FMO3: variants seen among roughly 807,000 people sequenced by gnomAD.
FMO3 encodes the protein flavin-containing monooxygenase 3.
Under a neutral mutation model 39.4 loss-of-function variants are expected in FMO3, and 40 were observed. That is an observed-to-expected ratio of 1.02 (90% CI 0.79 to 1.32). FMO3 has a LOEUF of 1.32. Ranked by LOEUF, FMO3 falls within the 40% of genes most tolerant of loss-of-function variation. The pLI is 0.00. For missense variants in FMO3, 680 were observed against 651.8 expected, an observed-to-expected ratio of 1.04 and a Z score of -0.47; for synonymous variants, 219 against 228.8, an observed-to-expected ratio of 0.96 and a Z score of 0.39.
rs777342108 is a variant in FMO3 at position 171,114,035 on chromosome 1, G to A, written c.856G>A (p.Asp286Asn). The A allele has an allele frequency of 9.9e-6, 16 of 1,611,614 alleles. No individual in the cohort carries two copies. The African/African-American group carries it at 1.5e-4, about 15-fold the overall frequency. Residue 286 changes from aspartate (D) to asparagine (N), a missense_variant, in exon 7 of 9, where the codon GAT becomes AAT. Physicochemically the swap from Asp to Asn is conservative, Grantham distance 23 (BLOSUM62 1). Coordinates refer to ENST00000367755, the MANE Select transcript of FMO3 (RefSeq NM_001002294.3). ...GVLRKEPVFN[D>N]ELPASILCGI... The stretch of plus-strand genomic sequence containing the variant: ...CCTGAGGAAAGAGCCTGTATTTAAC[G>A]ATGAGCTCCCAGCAAGCATTCTGTG...
intron 5 of FMO3, among the ~76,000 whole-genome samples, chr1:171,109,928 A>G (rs189002410): frequency 1.2e-4 from 18 of 152,298 alleles, no homozygotes; most frequent in Non-Finnish European, 2.6e-4. Context: ...AAAAAGACAA[A>G]GAAAGCCTGA....
At position 171,104,450 on chromosome 1, in the gene FMO3, T is replaced by TA. The variant is rs1371917812; in HGVS notation, c.321+484dup. ...AGTTTAAAAATAAGGTAAGAAAGTT[T>TA]AAAAAAATTAGTAAAAGAAAGACAG... On this transcript the variant is annotated intron_variant, in intron 3 of 8. Transcript: ENST00000367755. Among the ~76,000 whole-genome samples the TA allele has an allele frequency of 9.2e-5, 14 of 151,862 alleles. 1 individual carries two copies. Among genetic ancestry groups the TA allele is most frequent in the Middle Eastern group, 3.4e-3 (1 of 294 alleles).
chr1:171,108,493 A>G (rs1021005504), intron 5 of FMO3, among the ~76,000 whole-genome samples: 63 of 152,132 alleles, frequency 4.1e-4, no homozygotes, highest in African/African-American at 1.3e-3. Flanking sequence ...TTTCTCTAAA[A>G]CTAGCACAGA....
At chr1:171,100,723 G>T (rs1434780189) in intron 2 of FMO3, 1 of 179,376 alleles carries the variant, frequency 5.6e-6, no homozygotes, top group Non-Finnish European at 1.2e-5. Flanking sequence ...TTGGGTTAAT[G>T]TATTTTGCAG....
At chr1:171,102,247 C>A (rs942871243) in intron 2 of FMO3, among the ~76,000 whole-genome samples, 2 of 152,144 alleles carry the variant, frequency 1.3e-5, no homozygotes, top group Non-Finnish European at 2.9e-5. Context: ...GGAGCCCTGA[C>A]AACTTTCAGT....
intron 6 of FMO3, among the ~76,000 whole-genome samples, chr1:171,112,459 G>A (rs1277114275): frequency 6.6e-6 from 1 of 152,162 alleles, no homozygotes; most frequent in East Asian, 1.9e-4. Flanking sequence ...GCAGTGAGTG[G>A]TCAGAATTGG....
intron 3 of FMO3, among the ~76,000 whole-genome samples, chr1:171,106,042 C>A (rs1655620352): frequency 6.6e-6 from 1 of 151,822 alleles, no homozygotes; most frequent in Admixed American, 6.6e-5. Flanking sequence ...AAGTAAAATA[C>A]CTTATTAATA....
chr1:171,091,090 G>A (rs557484921), intron 1 of FMO3, 109 bp downstream of exon 1: 22 of 152,386 alleles, frequency 1.4e-4, no homozygotes, highest in African/African-American at 4.8e-4. Flanking sequence ...GCCAGGCGTA[G>A]TGGTGCATGC....
At chr1:171,099,245 G>T (rs1023344665) in intron 2 of FMO3, among the ~76,000 whole-genome samples, 5 of 152,134 alleles carry the variant, frequency 3.3e-5, no homozygotes, top group African/African-American at 7.2e-5. Flanking sequence ...TAGTTTGATT[G>T]CACTGTGGTC....
At chr1:171,098,353 G>A (rs1174273670) in intron 2 of FMO3, among the ~76,000 whole-genome samples, 1 of 152,108 alleles carries the variant, frequency 6.6e-6, no homozygotes, top group Non-Finnish European at 1.5e-5. Context: ...TGATGGGGAT[G>A]GCATTGAATC....
chr1:171,109,292 A>T (rs111593955), intron 5 of FMO3, among the ~76,000 whole-genome samples: 20 of 152,296 alleles, frequency 1.3e-4, no homozygotes, highest in African/African-American at 4.8e-4. Flanking sequence ...TACAGGAAAG[A>T]AAGATTGGGA....
At chr1:171,110,716 C>A in intron 5 of FMO3, 82 bp from the exon 6 acceptor site, 2 of 1,261,592 alleles carry the variant, frequency 1.6e-6, no homozygotes, top group Non-Finnish European at 2.3e-6. Context: ...TAGATCCATT[C>A]CTCAAGAGGG....
At chr1:171,096,073 A>AAT (rs1487405334) in intron 2 of FMO3, among the ~76,000 whole-genome samples, 1 of 60,994 alleles carries the variant, frequency 1.6e-5, no homozygotes, top group Non-Finnish European at 2.7e-5. Flanking sequence ...ATTATATATT[A>AAT]ATATATAATA....
intron 3 of FMO3, 115 bp downstream of exon 3, chr1:171,104,088 C>G: frequency 1.2e-6 from 1 of 804,630 alleles, no homozygotes; most frequent in Non-Finnish European, 2.1e-6. Flanking sequence ...ACATTTTTAA[C>G]AGTGTGGCCT....
chr1:171,105,750 G>A (rs974558299), intron 3 of FMO3, among the ~76,000 whole-genome samples: 11 of 151,812 alleles, frequency 7.2e-5, no homozygotes, highest in Admixed American at 3.3e-4. Context: ...AGAAAACCAC[G>A]TTTATTTAAC....
At chr1:171,114,651 TC>T (rs1288043874) in intron 7 of FMO3, among the ~76,000 whole-genome samples, 1 of 152,168 alleles carries the variant, frequency 6.6e-6, no homozygotes, top group Admixed American at 6.6e-5. Flanking sequence ...AAAGCTCACA[TC>T]CACTTAAGAC....
rs779247561 is a variant in FMO3, at chr1:171,117,239, T to C, written c.1396T>C (p.Cys466Arg). 1.9e-6 allele frequency: 3 copies of C among 1,614,178 alleles called. No homozygotes were observed. The part of the protein sequence containing the change: ...KLAMEVYFGP[C>R]SPYQFRLVGP... ...GGCCATGGAAGTTTATTTTGGCCCT[T>C]GTAGTCCCTACCAGTTTAGGCTGGT... Residue 466 changes from cysteine (C) to arginine (R), a missense_variant, in exon 9 of 9, where the codon TGT becomes CGT. Cys to Arg is a radical substitution (Grantham distance 180). Transcript: ENST00000367755.
intron 3 of FMO3, among the ~76,000 whole-genome samples, chr1:171,107,235 TTTTAAC>T (rs1655684088): frequency 6.6e-6 from 1 of 152,172 alleles, no homozygotes; most frequent in South Asian, 2.1e-4. Flanking sequence ...AATTTAATAG[TTTTAAC>T]TTTAATTTAA....
chr1:171,096,073 A>T lies in FMO3; in HGVS notation c.132+3283A>T, dbSNP rs796127355. Among the ~76,000 whole-genome samples the T allele has an allele frequency of 4.9e-4, 30 of 60,998 alleles. 1 individual carries two copies. The highest frequency in any genetic ancestry group is 5.3e-4 in the Non-Finnish European group (20 of 37,694). The allele number at this position is 60,998 out of a possible 152,430, so 40.0% of individuals were successfully genotyped here. ...AAATATATAATATATATTATATATT[A>T]ATATATAATATATATTAATATTTTT... On this transcript the variant is annotated intron_variant, in intron 2 of 8. Coordinates refer to ENST00000367755, the MANE Select transcript of FMO3 (RefSeq NM_001002294.3).
Sources: gnomAD v4.1 joint callset for allele counts (sites outside exome capture counted in the v4.1 genomes callset) on GRCh38, gnomAD v4.1.1 for gene constraint, MANE v1.5 for transcripts, NCBI Gene and HGNC (gene_info 2026-07-23, HGNC 2026-07-21) for gene names.